SHC4: variants seen among roughly 807,000 people sequenced by gnomAD.
SHC4 encodes the protein SHC-transforming protein 4.
SHC4 carries 41 observed loss-of-function variants against 69.4 expected under a neutral mutation model. The observed-to-expected ratio is 0.59, with a 90% CI of 0.46 to 0.77. The LOEUF (loss-of-function observed/expected upper bound fraction) is 0.77, where lower values mean the gene tolerates loss of function less well. Among genes scored for constraint, SHC4 ranks in the 30% least tolerant of loss-of-function variants. The pLI is 0.00. For synonymous variants in SHC4, 318 were observed against 299.3 expected, an observed-to-expected ratio of 1.06 and a Z score of -0.64; for missense variants, 777 against 783.8, an observed-to-expected ratio of 0.99 and a Z score of 0.10.
chr15:48,874,376 C>G (rs1298345141), intron 4 of SHC4, among the ~76,000 whole-genome samples: 1 of 152,102 alleles, frequency 6.6e-6, no homozygotes, highest in African/African-American at 2.4e-5. Context: ...GGCCAGAGAC[C>G]AAGTACCAGT....
chr15:48,878,072 G>A, intron 4 of SHC4: 2 of 1,436,820 alleles, frequency 1.4e-6, no homozygotes, highest in South Asian at 1.4e-5. Context: ...ACGCCTGCGC[G>A]CGGGGTTACG....
At chr15:48,946,271 C>T (rs1425871749) in intron 1 of SHC4, 1 of 152,226 alleles carries the variant, frequency 6.6e-6, no homozygotes, top group Non-Finnish European at 1.5e-5. Flanking sequence ...GTGTAGGAAG[C>T]ATTAACTCAC....
chr15:48,874,396 G>C (rs1406927281), intron 4 of SHC4, among the ~76,000 whole-genome samples: 1 of 152,188 alleles, frequency 6.6e-6, no homozygotes, highest in African/African-American at 2.4e-5. Context: ...TCCGTGGCCT[G>C]TTAGGAACCG....
Position 48,843,523 on chromosome 15 carries a change from C to T in SHC4, c.1369G>A (p.Val457Met), listed in dbSNP as rs1466765860. Residue 457 changes from valine to methionine, a missense_variant, in exon 10 of 12, where the codon GTG (valine) becomes ATG (methionine). Val to Met is a conservative substitution (Grantham distance 21). Transcript: ENST00000332408. ...DTSLLKHTCRVDLFDDPCYIN... is the reference protein window; with the variant it reads ...DTSLLKHTCRMDLFDDPCYIN... ...TAGCAGGGGTCATCAAAGAGATCCA[C>T]TCGGCACGTGTGCTTCAATAATGAG... is the stretch of plus-strand genomic sequence containing the variant. The T allele has an allele frequency of 2.5e-6, 4 of 1,614,082 alleles. No individual in the cohort carries two copies. The African/African-American group carries it at 4.0e-5, about 16-fold the overall frequency.
intron 4 of SHC4, 114 bp downstream of exon 4, chr15:48,884,134 T>G (rs1899992306): frequency 8.8e-7 from 1 of 1,140,170 alleles, no homozygotes; most frequent in African/African-American, 1.6e-5. Context: ...ATTTTTCCCT[T>G]GTGCTGTATT....
intron 9 of SHC4, among the ~76,000 whole-genome samples, 192 bp downstream of exon 9, chr15:48,850,996 G>A (rs1258072735): frequency 6.6e-6 from 1 of 152,186 alleles, no homozygotes; most frequent in African/African-American, 2.4e-5. Context: ...GAGCAAGGGA[G>A]AACCATGAGC....
At chr15:48,915,039 C>T (rs1415308421) in intron 2 of SHC4, among the ~76,000 whole-genome samples, 2 of 152,200 alleles carry the variant, frequency 1.3e-5, no homozygotes, top group Admixed American at 6.5e-5. Context: ...TGTTCAAGTC[C>T]TCTGCCCATT....
chr15:48,835,879 G>A (rs1403808631), intron 10 of SHC4, among the ~76,000 whole-genome samples: 1 of 152,004 alleles, frequency 6.6e-6, no homozygotes, highest in African/African-American at 2.4e-5. Context: ...GCAAGGAAAT[G>A]AATCTTTAGA....
intron 4 of SHC4, among the ~76,000 whole-genome samples, chr15:48,883,671 G>A (rs1214616277): frequency 6.6e-6 from 1 of 152,204 alleles, no homozygotes; most frequent in Non-Finnish European, 1.5e-5. Context: ...CAGCAATGCT[G>A]TTCTTTGAGA....
chr15:48,911,193 G>A (rs1232057079), intron 2 of SHC4, among the ~76,000 whole-genome samples: 1 of 152,054 alleles, frequency 6.6e-6, no homozygotes, highest in Non-Finnish European at 1.5e-5. Flanking sequence ...TTGTGTTGCT[G>A]TTTATCTCAT....
chr15:48,941,053 G>A lies in SHC4; in HGVS notation c.586-16104C>T, dbSNP rs75030546. On this transcript the variant is annotated intron_variant, in intron 1 of 11. Transcript: ENST00000332408. ...CACCAGGGCTCGAAGGGACCTTAGAGATGATCCATTCCAACTCCTCTACTT... is the reference window on the plus strand; with the variant it reads ...CACCAGGGCTCGAAGGGACCTTAGAAATGATCCATTCCAACTCCTCTACTT... Among the ~76,000 whole-genome samples the A allele has an allele frequency of 2.4e-3, 359 of 152,292 alleles. 16 individuals carry two copies. In the East Asian group the frequency reaches 0.064, roughly 27 times the overall value.
rs1181749684 is a variant in SHC4, at chr15:48,884,314, T to C, written c.774A>G (p.Ser258=). 3 of 1,609,976 alleles carry C rather than the reference T, an allele frequency of 1.9e-6. No individual in the cohort carries two copies. Among genetic ancestry groups the C allele is most frequent in the Admixed American group, 1.7e-5 (1 of 59,218 alleles). ...AGATGGTCAGTTTTATATTCATTCC[T>C]GAAAACTGAAGATTACTTTTGCCAA... The part of the protein sequence containing the change: ...TVLGKSNLQF[S]GMNIKLTIST... The change falls in exon 4 of 12, where the codon TCA becomes TCG. Residue 258 remains serine, a synonymous_variant. Transcript: ENST00000332408.
intron 5 of SHC4, among the ~76,000 whole-genome samples, chr15:48,871,363 C>T (rs1165235288): frequency 6.6e-6 from 1 of 152,176 alleles, no homozygotes; most frequent in East Asian, 1.9e-4. Context: ...AATAATGTCA[C>T]AGAGTGGCAA....
At chr15:48,835,054 G>A (rs376082788) in intron 10 of SHC4, 32 bp from the exon 11 acceptor site, 78 of 1,580,644 alleles carry the variant, frequency 4.9e-5, no homozygotes, top group Non-Finnish European at 5.6e-5. Context: ...AGACATCATC[G>A]AGTTACCTCT....
At chr15:48,940,421 T>A (rs1487856420) in intron 1 of SHC4, among the ~76,000 whole-genome samples, 5 of 152,202 alleles carry the variant, frequency 3.3e-5, no homozygotes, top group Admixed American at 6.5e-5. Flanking sequence ...GTACCTAGGA[T>A]GTCGAGTTTC....
At chr15:48,915,870 G>T (rs1900611057) in intron 2 of SHC4, among the ~76,000 whole-genome samples, 1 of 152,052 alleles carries the variant, frequency 6.6e-6, no homozygotes, top group Admixed American at 6.5e-5. Context: ...TTTTTTCACT[G>T]GGGAATGTTC....
At chr15:48,908,740 T>C (rs1168325504) in intron 2 of SHC4, among the ~76,000 whole-genome samples, 2 of 152,212 alleles carry the variant, frequency 1.3e-5, no homozygotes, top group Admixed American at 6.5e-5. Flanking sequence ...AGGTGAGTGA[T>C]GAGGATCCAG....
At chr15:48,893,344 A>G (rs763957698) in intron 2 of SHC4, among the ~76,000 whole-genome samples, 9 of 152,222 alleles carry the variant, frequency 5.9e-5, no homozygotes, top group Admixed American at 6.5e-5. Context: ...ACTAAGAAAT[A>G]AGAGTCTAAA....
At chr15:48,926,101 C>G (rs554019933) in intron 1 of SHC4, among the ~76,000 whole-genome samples, 1 of 152,230 alleles carries the variant, frequency 6.6e-6, no homozygotes, top group Non-Finnish European at 1.5e-5. Context: ...CAGGAAATAA[C>G]AGGCTGGCAG....
Sources: gnomAD v4.1 joint callset for allele counts (sites outside exome capture counted in the v4.1 genomes callset) on GRCh38, gnomAD v4.1.1 for gene constraint, MANE v1.5 for transcripts, NCBI Gene and HGNC (gene_info 2026-07-23, HGNC 2026-07-21) for gene names.